Variants in CASQ2 observed in about 807,000 individuals in gnomAD.
CASQ2 encodes the protein calsequestrin-2.
Under a neutral mutation model 46.5 loss-of-function variants are expected in CASQ2, and 49 were observed. The observed-to-expected ratio is 1.05, with a 90% confidence interval of 0.84 to 1.34. The LOEUF is 1.34. CASQ2 is among the 40% of genes most tolerant of loss of function. The pLI is 0.00. For synonymous variants in CASQ2, 174 were observed against 168.5 expected, an observed-to-expected ratio of 1.03 and a Z score of -0.25; for missense variants, 486 against 481.3, an observed-to-expected ratio of 1.01 and a Z score of -0.09.
At chr1:115,723,274 C>CT (rs57499430) in intron 7 of CASQ2, among the ~76,000 whole-genome samples, 13,428 of 150,924 alleles carry the variant, frequency 0.089, 677 homozygotes, top group Middle Eastern at 0.12. Flanking sequence ...ATCTATCTAT[C>CT]ATCTATCTAT....
At chr1:115,721,859 C>A (rs974775121) in intron 7 of CASQ2, among the ~76,000 whole-genome samples, 21 of 152,236 alleles carry the variant, frequency 1.4e-4, no homozygotes, top group African/African-American at 4.1e-4. Flanking sequence ...ACATGAGCCA[C>A]CTTGCCTGGC....
At chr1:115,751,650 C>T (rs1246357306) in intron 1 of CASQ2, among the ~76,000 whole-genome samples, 2 of 142,296 alleles carry the variant, frequency 1.4e-5, no homozygotes, top group African/African-American at 5.2e-5. Context: ...CCAGACTGGG[C>T]AACAGAGTGA....
intron 1 of CASQ2, among the ~76,000 whole-genome samples, chr1:115,764,928 A>T (rs1461874652): frequency 6.6e-6 from 1 of 152,184 alleles, no homozygotes; most frequent in African/African-American, 2.4e-5. Context: ...CTCCCAGAGG[A>T]CCTTGACTAA....
chr1:115,762,535 A>G (rs1388181320), intron 1 of CASQ2, among the ~76,000 whole-genome samples: 1 of 152,162 alleles, frequency 6.6e-6, no homozygotes, highest in Non-Finnish European at 1.5e-5. Flanking sequence ...CAAAACACAT[A>G]TACATGGCTA....
At chr1:115,737,457 A>C (rs1183859848) in intron 4 of CASQ2, among the ~76,000 whole-genome samples, 1 of 152,194 alleles carries the variant, frequency 6.6e-6, no homozygotes, top group African/African-American at 2.4e-5. Context: ...TACCAGAGTT[A>C]TGCTCACCCG....
rs1557783756 is a variant in CASQ2 at position 115,701,388 on chromosome 1, A to T, written c.1053T>A (p.Asp351Glu). 6.2e-7 allele frequency: 1 copy of T among 1,614,014 alleles called. No homozygotes were observed. Among genetic ancestry groups the T allele is most frequent in the Non-Finnish European group, 8.5e-7 (1 of 1,179,896 alleles). ...CCTCCAGCTCCTCAGCAGTTGGAAG[A>T]TCGTCATCATCTGGAATCTCCATCC... is the stretch of plus-strand genomic sequence containing the variant. ...SVWMEIPDDDDLPTAEELEDW... is the reference protein window; with the variant it reads ...SVWMEIPDDDELPTAEELEDW... Residue 351 changes from aspartate to glutamate, a missense_variant, in exon 11 of 11, where the codon GAT (aspartate) becomes GAA (glutamate). By Grantham distance (45) the Asp-to-Glu change is conservative. Transcript: ENST00000261448.
chr1:115,748,049 A>G (rs9428215), intron 1 of CASQ2, among the ~76,000 whole-genome samples: 108,069 of 152,020 alleles, frequency 0.71, 42,141 homozygotes, highest in Non-Finnish European at 0.88. Context: ...TTAGAGGTTT[A>G]TTCATTTTTC....
chr1:115,762,640 C>T (rs1318533492), intron 1 of CASQ2, among the ~76,000 whole-genome samples: 6 of 152,206 alleles, frequency 3.9e-5, no homozygotes, highest in Admixed American at 6.5e-5. Context: ...ATGTCTCCTT[C>T]CTCTTTTCCT....
At chr1:115,703,255 G>T (rs1421624684) in intron 9 of CASQ2, among the ~76,000 whole-genome samples, 5 of 152,220 alleles carry the variant, frequency 3.3e-5, no homozygotes, top group Non-Finnish European at 2.9e-5. Context: ...GTCTAATGTT[G>T]CTTTCCAAAT....
chr1:115,750,902 G>GTATGTATCGCACCTACAGGATGTAGC (rs1553196370), intron 1 of CASQ2, among the ~76,000 whole-genome samples: 1 of 152,360 alleles, frequency 6.6e-6, no homozygotes, highest in East Asian at 1.9e-4. Flanking sequence ...TATCCTGTAG[G>GTATGTATCGCACCTACAGGATGTAGC]TATGTATCGC....
intron 1 of CASQ2, among the ~76,000 whole-genome samples, chr1:115,762,255 A>G (rs1344165058): frequency 6.6e-6 from 1 of 152,228 alleles, no homozygotes; most frequent in African/African-American, 2.4e-5. Flanking sequence ...ACTGTTCAGA[A>G]TCTGGAAAGT....
chr1:115,705,152 G>T, intron 9 of CASQ2, 40 bp downstream of exon 9: 3 of 1,258,442 alleles, frequency 2.4e-6, no homozygotes, highest in South Asian at 1.2e-5. Context: ...ATGAGGTTGT[G>T]ACAGCAACTG....
At chr1:115,728,470 G>A (rs1647670970) in intron 5 of CASQ2, among the ~76,000 whole-genome samples, 1 of 152,098 alleles carries the variant, frequency 6.6e-6, no homozygotes. Flanking sequence ...CAGGGGTAGG[G>A]GGGTGATGTA....
intron 2 of CASQ2, among the ~76,000 whole-genome samples, chr1:115,741,441 G>T (rs1648175247): frequency 6.6e-6 from 1 of 152,180 alleles, no homozygotes; most frequent in African/African-American, 2.4e-5. Context: ...TCTTAAGAAA[G>T]GTCACTTCAA....
At chr1:115,750,697 A>T (rs977041042) in intron 1 of CASQ2, among the ~76,000 whole-genome samples, 2 of 152,128 alleles carry the variant, frequency 1.3e-5, no homozygotes, top group African/African-American at 2.4e-5. Context: ...TTGTCGAGAT[A>T]GGGTCTTGCT....
At chr1:115,713,206 G>T (rs1654602588) in intron 8 of CASQ2, among the ~76,000 whole-genome samples, 1 of 152,176 alleles carries the variant, frequency 6.6e-6, no homozygotes, top group Non-Finnish European at 1.5e-5. Flanking sequence ...GAAGATGTCA[G>T]CCTGACACAG....
chr1:115,709,785 C>CT (rs1471431794), intron 8 of CASQ2, among the ~76,000 whole-genome samples: 2 of 152,164 alleles, frequency 1.3e-5, no homozygotes, highest in Admixed American at 6.5e-5. Flanking sequence ...TTGAAATCTC[C>CT]TTTTTTTCAC....
chr1:115,717,277 T>A (rs1654730845), intron 8 of CASQ2, among the ~76,000 whole-genome samples: 1 of 152,212 alleles, frequency 6.6e-6, no homozygotes, highest in Admixed American at 6.5e-5. Context: ...CAATAAGATT[T>A]CCATTTGAGT....
intron 5 of CASQ2, 140 bp from the exon 6 acceptor site, chr1:115,727,262 G>A (rs1323816398): frequency 1.5e-6 from 1 of 684,688 alleles, no homozygotes; most frequent in Non-Finnish European, 2.6e-6. Flanking sequence ...ATGTTGAAGT[G>A]ACAGGAACTT....
Sources: allele counts gnomAD v4.1 joint callset (sites outside exome capture counted in the v4.1 genomes callset), GRCh38; gene constraint gnomAD v4.1.1; transcripts MANE v1.5; gene names NCBI Gene and HGNC (gene_info 2026-07-23, HGNC 2026-07-21).